CACNA2D1: variants seen among roughly 807,000 people sequenced by gnomAD.
CACNA2D1 encodes the protein voltage-dependent calcium channel subunit alpha-2/delta-1.
CACNA2D1 carries 53 observed loss-of-function variants against 171.5 expected under a neutral mutation model. The observed-to-expected ratio is 0.31, with a 90% confidence interval of 0.25 to 0.39. The LOEUF (loss-of-function observed/expected upper bound fraction) is 0.39. CACNA2D1 is among the 10% of genes least tolerant of loss of function. The probability of loss-of-function intolerance (pLI) is 1.00; values close to 1 mark genes in which losing one functional copy is unlikely to be tolerated. For missense variants in CACNA2D1, 903 were observed against 1,299.8 expected (o/e 0.69, Z 4.69); for synonymous variants, 442 against 443.1 (o/e 1.00, Z 0.03).
intron 7 of CACNA2D1, among the ~76,000 whole-genome samples, chr7:82,071,830 G>A (rs1808351353): frequency 6.6e-6 from 1 of 152,150 alleles, no homozygotes; most frequent in South Asian, 2.1e-4. Flanking sequence ...GAGCAAAAGT[G>A]ATATATGCAT....
intron 10 of CACNA2D1, among the ~76,000 whole-genome samples, chr7:82,050,141 A>G (rs1365283276): frequency 2.6e-5 from 4 of 152,196 alleles, no homozygotes; most frequent in African/African-American, 9.7e-5. Context: ...CACATAGGAA[A>G]TGGAACAATT....
At chr7:82,279,833 T>G (rs549801569) in intron 3 of CACNA2D1, among the ~76,000 whole-genome samples, 5 of 152,306 alleles carry the variant, frequency 3.3e-5, no homozygotes, top group Non-Finnish European at 7.4e-5. Context: ...GAGTTATTTT[T>G]TTAACCTAAA....
intron 1 of CACNA2D1, among the ~76,000 whole-genome samples, chr7:82,388,062 CAA>C (rs772179078): frequency 1.6e-4 from 13 of 79,164 alleles, no homozygotes; most frequent in Admixed American, 2.5e-4. Context: ...ACCCTGTCTC[CAA>C]AAAAAAAAAA....
At chr7:81,953,284 C>T (rs933849642) in intron 38 of CACNA2D1, among the ~76,000 whole-genome samples, 2 of 152,104 alleles carry the variant, frequency 1.3e-5, no homozygotes, top group African/African-American at 2.4e-5. Flanking sequence ...CACATTCTTT[C>T]ACTCCCTGCT....
chr7:82,296,461 A>G (rs1164390969), intron 3 of CACNA2D1, among the ~76,000 whole-genome samples: 1 of 152,204 alleles, frequency 6.6e-6, no homozygotes, highest in Admixed American at 6.5e-5. Context: ...TAATTAGCAG[A>G]AAGACACCTA....
chr7:82,428,114 AAAAC>A (rs1829354255), intron 1 of CACNA2D1, among the ~76,000 whole-genome samples: 1 of 152,102 alleles, frequency 6.6e-6, no homozygotes, highest in Non-Finnish European at 1.5e-5. Context: ...AAATAAAAAA[AAAAC>A]AAACAAAAAA....
Position 82,141,574 on chromosome 7 carries a change from G to A in CACNA2D1, c.355-4898C>T, listed in dbSNP as rs910337909. Among the ~76,000 whole-genome samples, 8 of 152,166 alleles carry A rather than the reference G, an allele frequency of 5.3e-5. No individual in the cohort carries two copies. The South Asian group carries it at 8.3e-4, about 16-fold the overall frequency. On this transcript the variant is annotated intron_variant, in intron 4 of 38. Transcript: ENST00000356860. ...AACAATTATTTTGGCAACCTTCTCC[G>A]TGCTACGTATTGGAGAAACGAAGAT...
At chr7:82,157,643 A>C (rs1794502164) in intron 4 of CACNA2D1, among the ~76,000 whole-genome samples, 1 of 152,066 alleles carries the variant, frequency 6.6e-6, no homozygotes, top group Non-Finnish European at 1.5e-5. Flanking sequence ...TAGCCAAAGA[A>C]GCAGGCTTAC....
intron 21 of CACNA2D1, among the ~76,000 whole-genome samples, chr7:81,985,745 T>G (rs187206858): frequency 4.4e-4 from 67 of 152,290 alleles, no homozygotes; most frequent in African/African-American, 1.6e-3. Flanking sequence ...TTATTAGATG[T>G]AATAGGAAAT....
intron 6 of CACNA2D1, among the ~76,000 whole-genome samples, chr7:82,109,500 A>G (rs1299041659): frequency 2.6e-5 from 4 of 152,246 alleles, no homozygotes. Context: ...CTGTTAGACT[A>G]ATCAGCAATT....
intron 3 of CACNA2D1, among the ~76,000 whole-genome samples, chr7:82,171,787 A>G (rs1199955127): frequency 6.6e-6 from 1 of 152,252 alleles, no homozygotes. Context: ...TAAATATACT[A>G]AACTCACTTA....
intron 3 of CACNA2D1, among the ~76,000 whole-genome samples, chr7:82,231,131 T>G (rs574264867): frequency 6.6e-6 from 1 of 152,240 alleles, no homozygotes; most frequent in Admixed American, 6.5e-5. Flanking sequence ...TTGTTTGTGC[T>G]TCAGAGCTCA....
In CACNA2D1 at chr7:82,166,568, A is replaced by C. The variant is rs16887205; in HGVS notation, c.354+3982T>G. Among the ~76,000 whole-genome samples the C allele has an allele frequency of 4.2e-3, 634 of 152,202 alleles. 9 individuals carry two copies. The East Asian group carries it at 0.056, about 13-fold the overall frequency. Reference sequence around the variant, plus strand: ...TGCAATCAAATGAGATTTGAAATGCAATTGGAAAAGATCTGTTTGGTAGAA... The same window carrying C: ...TGCAATCAAATGAGATTTGAAATGCCATTGGAAAAGATCTGTTTGGTAGAA... On this transcript the variant is annotated intron_variant, in intron 4 of 38. Transcript: ENST00000356860.
chr7:82,381,313 CAAAAAAAAA>C (rs11307965), intron 1 of CACNA2D1, among the ~76,000 whole-genome samples: 4 of 74,622 alleles, frequency 5.4e-5, no homozygotes, highest in African/African-American at 1.8e-4. Flanking sequence ...GACTCTGTCT[CAAAAAAAAA>C]AAAAAAAAAA....
At chr7:82,343,398 A>G (rs1385666656) in intron 2 of CACNA2D1, among the ~76,000 whole-genome samples, 4 of 152,226 alleles carry the variant, frequency 2.6e-5, no homozygotes, top group Non-Finnish European at 5.9e-5. Context: ...AACAAGTGAC[A>G]ATCGCAAACA....
intron 6 of CACNA2D1, among the ~76,000 whole-genome samples, chr7:82,104,723 T>C (rs1813108410): frequency 6.6e-6 from 1 of 151,990 alleles, no homozygotes; most frequent in Admixed American, 6.6e-5. Context: ...AAAAAATAAG[T>C]ATGAGACAAT....
rs192409252 is a variant in CACNA2D1, at chr7:82,333,198, A to G, written c.294+1937T>C. On this transcript the variant is annotated intron_variant, in intron 3 of 38. Coordinates refer to ENST00000356860, the MANE Select transcript of CACNA2D1 (RefSeq NM_000722.4). ...TCTTCTCAATTTGGTCTGAATCAAT[A>G]TAATACAAATCAAAATCCCAGTAGA... 1.5e-3 allele frequency among the ~76,000 whole-genome samples: 227 copies of G among 152,338 alleles called. 1 individual carries two copies. The highest frequency in any genetic ancestry group is 3.4e-3 in the Middle Eastern group (1 of 294).
intron 6 of CACNA2D1, 87 bp from the exon 7 acceptor site, chr7:82,084,987 T>TA: frequency 8.9e-7 from 1 of 1,124,462 alleles, no homozygotes; most frequent in Non-Finnish European, 1.3e-6. Flanking sequence ...TAATATTAAA[T>TA]ATGTTCATTG....
intron 7 of CACNA2D1, among the ~76,000 whole-genome samples, chr7:82,071,014 C>T (rs1399077074): frequency 6.6e-6 from 1 of 152,018 alleles, no homozygotes; most frequent in African/African-American, 2.4e-5. Flanking sequence ...ACTGAAGTGG[C>T]TTGCACAAGA....
Sources: gnomAD v4.1 joint callset for allele counts (sites outside exome capture counted in the v4.1 genomes callset) on GRCh38, gnomAD v4.1.1 for gene constraint, MANE v1.5 for transcripts, NCBI Gene and HGNC (gene_info 2026-07-23, HGNC 2026-07-21) for gene names.